PIK3CB: variants seen among roughly 807,000 people sequenced by gnomAD.
The protein encoded by PIK3CB is phosphatidylinositol-4,5-bisphosphate 3-kinase catalytic subunit beta, also known as phosphatidylinositol 4,5-bisphosphate 3-kinase catalytic subunit beta isoform.
Under a neutral mutation model 136.8 loss-of-function variants are expected in PIK3CB, and 39 were observed. That is an observed-to-expected ratio of 0.29 (90% confidence interval 0.22 to 0.37). The LOEUF is 0.37. Among genes scored for constraint, PIK3CB ranks in the 10% least tolerant of loss-of-function variants. The probability of loss-of-function intolerance (pLI) is 1.00; values close to 1 mark genes in which losing one functional copy is unlikely to be tolerated. For missense variants in PIK3CB, 868 were observed against 1,275.4 expected (o/e 0.68, Z 4.87); for synonymous variants, 428 against 436.6 (o/e 0.98, Z 0.25).
In PIK3CB at chr3:138,681,042, T is replaced by G. The variant is rs930215663; in HGVS notation, c.2504+925A>C. The stretch of plus-strand genomic sequence containing the variant: ...TTGGAACTGACAATTTTCATGTTAG[T>G]TTTTTTTTTGTTTTTTTTTTTTGAG... On this transcript the variant is annotated intron_variant, in intron 19 of 23. Coordinates refer to ENST00000674063, the MANE Select transcript of PIK3CB (RefSeq NM_006219.3). Among the ~76,000 whole-genome samples, 340 of 135,012 alleles carry G rather than the reference T, an allele frequency of 2.5e-3. 3 individuals carry two copies. The highest frequency in any genetic ancestry group is 9.5e-3 in the African/African-American group (324 of 34,052). 88.6% of individuals were successfully genotyped at this position (135,012 alleles called of 152,430 possible).
chr3:138,712,236 T>C lies in PIK3CB; in HGVS notation c.1371A>G (p.Ile457Met). The C allele has an allele frequency of 6.4e-7, 1 of 1,571,566 alleles. No individual in the cohort carries two copies. Among genetic ancestry groups the C allele is most frequent in the South Asian group, 1.1e-5 (1 of 87,740 alleles). ...GAAATGAAGACCAGCTGTGTAATAT[T>C]ATGTCTCCAGTTCTCAATTGTCCTT... ...DFKGQLRTGDIILHSWSSFPD... is the reference protein window; with the variant it reads ...DFKGQLRTGDMILHSWSSFPD... Residue 457 changes from isoleucine to methionine, a missense_variant, in exon 10 of 24, where the codon ATA becomes ATG. Ile to Met is a conservative substitution (Grantham distance 10). Coordinates refer to ENST00000674063, the MANE Select transcript of PIK3CB (RefSeq NM_006219.3).
chr3:138,709,840 G>A (rs185946117), intron 10 of PIK3CB, among the ~76,000 whole-genome samples: 6 of 152,152 alleles, frequency 3.9e-5, no homozygotes, highest in African/African-American at 1.2e-4. Context: ...GTATTTTGCT[G>A]CTATATTTTA....
rs368178860 is a variant in PIK3CB at position 138,734,779 on chromosome 3, C to T, written c.827G>A (p.Arg276Lys). The T allele has an allele frequency of 1.4e-4, 220 of 1,612,632 alleles. No individual in the cohort carries two copies. Among genetic ancestry groups the T allele is most frequent in the Admixed American group, 3.5e-4 (21 of 59,888 alleles). Residue 276 changes from arginine to lysine, a missense_variant, in exon 7 of 24, where the codon AGA (arginine) becomes AAA (lysine). Physicochemically the swap from Arg to Lys is conservative, Grantham distance 26. Transcript: ENST00000674063. ...FQYIRNCVMN[R>K]ALPHFILVEC... ...CACAAGTATAAAATGGGGCAGGGCTCTGTTCATCACACAGTTCCGGATATA... is the reference window on the plus strand; with the variant it reads ...CACAAGTATAAAATGGGGCAGGGCTTTGTTCATCACACAGTTCCGGATATA...
intron 8 of PIK3CB, among the ~76,000 whole-genome samples, chr3:138,730,345 G>C (rs2044943797): frequency 6.6e-6 from 1 of 152,146 alleles, no homozygotes; most frequent in South Asian, 2.1e-4. Flanking sequence ...CATAATGCTT[G>C]AGAAAAAATA....
chr3:138,768,720 C>T (rs2045764368), intron 2 of PIK3CB, among the ~76,000 whole-genome samples: 1 of 152,212 alleles, frequency 6.6e-6, no homozygotes, highest in Non-Finnish European at 1.5e-5. Context: ...TTCATTGGTG[C>T]CCAAAATCTG....
chr3:138,699,734 T>C (rs1280584359), intron 12 of PIK3CB, among the ~76,000 whole-genome samples: 2 of 152,224 alleles, frequency 1.3e-5, no homozygotes, highest in Non-Finnish European at 2.9e-5. Flanking sequence ...CTTTAATAGA[T>C]GGATAAATAA....
chr3:138,659,866 CTTTTTTTTTTTTTTT>C (rs56255742), intron 21 of PIK3CB, among the ~76,000 whole-genome samples: 1 of 75,424 alleles, frequency 1.3e-5, no homozygotes, highest in Non-Finnish European at 2.3e-5. Flanking sequence ...CTTTCCTCTT[CTTTTTTTTTTTTTTT>C]TTTTTTTTTT....
intron 11 of PIK3CB, 69 bp downstream of exon 11, chr3:138,707,090 A>G: frequency 1.0e-6 from 1 of 977,020 alleles, no homozygotes; most frequent in Non-Finnish European, 1.6e-6. Context: ...GATAGAGCTT[A>G]AACTATACAT....
chr3:138,786,818 T>G (rs879360448), intron 2 of PIK3CB, among the ~76,000 whole-genome samples: 1 of 152,212 alleles, frequency 6.6e-6, no homozygotes, highest in Non-Finnish European at 1.5e-5. Context: ...TTACCCTTTA[T>G]GTACTACTTC....
At position 138,714,664 on chromosome 3, in the gene PIK3CB, A is replaced by G. The variant is rs751212156; in HGVS notation, c.1106T>C (p.Val369Ala). 4.3e-6 allele frequency: 7 copies of G among 1,612,482 alleles called. No individual in the cohort carries two copies. Among genetic ancestry groups the G allele is most frequent in the Non-Finnish European group, 5.9e-6 (7 of 1,178,644 alleles). Residue 369 changes from valine (V) to alanine (A), a missense_variant, in exon 9 of 24, where the codon GTA becomes GCA. Val to Ala is a moderately conservative substitution (Grantham distance 64, BLOSUM62 0). Around this residue, in one of 4 missense-constraint regions of PIK3CB, gnomAD observed 612 missense variants for 801.1 expected, o/e 0.76. Transcript: ENST00000674063. ...ATTTTTCCCTGATACCTCTGAGCTT[A>G]CGATGGTTTTACACAGGAGCTCAGT... is the stretch of plus-strand genomic sequence containing the variant. ...HGTELLCKTI[V>A]SSEVSGKNDH...
intron 2 of PIK3CB, among the ~76,000 whole-genome samples, chr3:138,762,249 C>G (rs191499624): frequency 1.3e-5 from 2 of 151,098 alleles, no homozygotes. Flanking sequence ...AAATCCATCT[C>G]AAAAAAAACA....
intron 1 of PIK3CB, among the ~76,000 whole-genome samples, chr3:138,818,827 C>A (rs1933443134): frequency 6.6e-6 from 1 of 151,984 alleles, no homozygotes; most frequent in Non-Finnish European, 1.5e-5. Context: ...CTAAACAAAA[C>A]TTTAGTTACA....
chr3:138,731,294 C>A (rs921222705), intron 8 of PIK3CB, among the ~76,000 whole-genome samples: 1 of 151,664 alleles, frequency 6.6e-6, no homozygotes, highest in Non-Finnish European at 1.5e-5. Flanking sequence ...ACTCTGTCAC[C>A]GGGGTGGAAG....
intron 1 of PIK3CB, among the ~76,000 whole-genome samples, chr3:138,830,421 G>A (rs930714738): frequency 6.6e-6 from 1 of 152,050 alleles, no homozygotes; most frequent in African/African-American, 2.4e-5. Flanking sequence ...GCGTGGTAGC[G>A]CACGCCTTGT....
chr3:138,699,811 T>G (rs1187986184), intron 12 of PIK3CB, among the ~76,000 whole-genome samples: 1 of 152,190 alleles, frequency 6.6e-6, no homozygotes, highest in Non-Finnish European at 1.5e-5. Flanking sequence ...TGTCTAGCTC[T>G]GTTTCACAAA....
intron 1 of PIK3CB, among the ~76,000 whole-genome samples, chr3:138,827,282 T>TG (rs1232004062): frequency 5.3e-5 from 8 of 152,210 alleles, no homozygotes; most frequent in Non-Finnish European, 1.2e-4. Flanking sequence ...CACTCGTTTT[T>TG]GTCATTAATT....
intron 1 of PIK3CB, among the ~76,000 whole-genome samples, chr3:138,800,692 T>G (rs1289250867): frequency 6.6e-6 from 1 of 152,084 alleles, no homozygotes; most frequent in East Asian, 1.9e-4. Flanking sequence ...TGGTGTGATC[T>G]TGGCTCACTG....
At chr3:138,738,305 A>G (rs1173963924) in intron 5 of PIK3CB, among the ~76,000 whole-genome samples, 1 of 151,910 alleles carries the variant, frequency 6.6e-6, no homozygotes, top group Admixed American at 6.6e-5. Flanking sequence ...CTGAGGAGCT[A>G]GGATTACAGG....
At chr3:138,747,803 A>G (rs1266920725) in intron 4 of PIK3CB, among the ~76,000 whole-genome samples, 4 of 152,186 alleles carry the variant, frequency 2.6e-5, no homozygotes, top group African/African-American at 9.7e-5. Context: ...TATACGTATT[A>G]AAAAATATCC....
Sources: gnomAD v4.1 joint callset for allele counts (sites outside exome capture counted in the v4.1 genomes callset) on GRCh38, gnomAD v4.1.1 for gene constraint, gnomAD v4.1.1 regional missense constraint, MANE v1.5 for transcripts, NCBI Gene and HGNC (gene_info 2026-07-23, HGNC 2026-07-21) for gene names.